HADH: variants seen among roughly 807,000 people sequenced by gnomAD.
HADH encodes the protein hydroxyacyl-CoA dehydrogenase, also known as hydroxyacyl-coenzyme A dehydrogenase, mitochondrial.
HADH carries 24 observed loss-of-function variants against 32.2 expected under a neutral mutation model. The observed-to-expected ratio is 0.75, with a 90% CI of 0.54 to 1.05. The LOEUF (loss-of-function observed/expected upper bound fraction) is 1.05, where lower values mean the gene tolerates loss of function less well. HADH is among the 50% of genes least tolerant of loss of function. The pLI is 0.00. For missense variants in HADH, 350 were observed against 397.1 expected (o/e 0.88, Z 1.01); for synonymous variants, 139 against 152.5 (o/e 0.91, Z 0.65).
Position 108,033,256 on chromosome 4 carries a change from T to C in HADH, c.790T>C (p.Tyr264His), listed in dbSNP as rs1244508396. ...YPMGPFELLD[Y>H]VGLDTTKFIV... ...CATGGGCCCATTTGAGCTTCTAGAT[T>C]ATGTCGGACTGGATACTACGAAGTT... Residue 264 changes from tyrosine to histidine, a missense_variant, in exon 7 of 8, where the codon TAT (tyrosine) becomes CAT (histidine). By Grantham distance (83) the Tyr-to-His change is moderately conservative. Coordinates refer to ENST00000309522, the MANE Select transcript of HADH (RefSeq NM_005327.7). 7.5e-6 allele frequency: 12 copies of C among 1,597,962 alleles called. No individual in the cohort carries two copies. Among genetic ancestry groups the C allele is most frequent in the Non-Finnish European group, 1.0e-5 (12 of 1,165,474 alleles).
In HADH at chr4:108,014,506, A is replaced by G. The variant is rs1430862162; in HGVS notation, c.337A>G (p.Thr113Ala). Residue 113 changes from threonine to alanine, a missense_variant, in exon 3 of 8, where the codon ACA (threonine) becomes GCA (alanine). Physicochemically the swap from Thr to Ala is moderately conservative, Grantham distance 58 (BLOSUM62 0). Coordinates refer to ENST00000309522, the MANE Select transcript of HADH (RefSeq NM_005327.7). ...STDAASVVHS[T>A]DLVVEAIVEN... ...GGATGCAGCCTCCGTTGTCCACAGC[A>G]CAGACTTGGTGGTGGAAGCCATCGT... The G allele has an allele frequency of 6.2e-7, 1 of 1,613,878 alleles. No individual in the cohort carries two copies. The highest frequency in any genetic ancestry group is 1.3e-5 in the African/African-American group (1 of 74,926).
intron 5 of HADH, chr4:108,025,657 G>C (rs1204087630): frequency 1.3e-5 from 2 of 152,216 alleles, no homozygotes; most frequent in African/African-American, 4.8e-5. Flanking sequence ...GGGAGGCCAA[G>C]GCTGGTGGAT....
chr4:108,026,269 G>C (rs1308363664), intron 5 of HADH: 1 of 152,176 alleles, frequency 6.6e-6, no homozygotes, highest in African/African-American at 2.4e-5. Flanking sequence ...TTGAACTCCT[G>C]ACCTCATGAT....
chr4:107,996,414 A>G (rs1734959797), intron 1 of HADH, among the ~76,000 whole-genome samples: 1 of 152,202 alleles, frequency 6.6e-6, no homozygotes, highest in Admixed American at 6.5e-5. Flanking sequence ...GTGGGAGGTG[A>G]GAAGTCTGGG....
chr4:108,028,967 A>G (rs980743515), intron 6 of HADH: 1 of 398,582 alleles, frequency 2.5e-6, no homozygotes, highest in Non-Finnish European at 4.4e-6. Context: ...CTGAAGCTGG[A>G]AGAGCAGGAC....
intron 6 of HADH, chr4:108,028,938 A>T (rs1736159096): frequency 2.5e-6 from 1 of 398,616 alleles, no homozygotes; most frequent in South Asian, 1.3e-4. Flanking sequence ...AGCCCTCACC[A>T]TCCCTGGCCG....
At chr4:107,991,022 T>A (rs867245515) in intron 1 of HADH, among the ~76,000 whole-genome samples, 1 of 152,352 alleles carries the variant, frequency 6.6e-6, no homozygotes, top group African/African-American at 2.4e-5. Flanking sequence ...ATTACAGGCG[T>A]TAGCCACTGC....
chr4:108,008,305 G>A (rs758304072), intron 1 of HADH, among the ~76,000 whole-genome samples: 10 of 152,124 alleles, frequency 6.6e-5, no homozygotes, highest in Non-Finnish European at 1.3e-4. Context: ...AGACTTTTTG[G>A]TCCTGGGAGC....
intron 1 of HADH, among the ~76,000 whole-genome samples, chr4:108,003,110 T>TA (rs1366008494): frequency 5.0e-4 from 75 of 149,994 alleles, no homozygotes; most frequent in Non-Finnish European, 9.0e-4. Context: ...TTAGTCTTTT[T>TA]TTTTTTTTTT....
At position 108,009,777 on chromosome 4, in the gene HADH, C is replaced by A; in HGVS notation, c.151C>A (p.His51Asn). 1 of 1,613,012 alleles carries A rather than the reference C, an allele frequency of 6.2e-7. No individual in the cohort carries two copies. The highest frequency in any genetic ancestry group is 1.1e-5 in the South Asian group (1 of 91,040). Residue 51 changes from histidine (H) to asparagine (N), a missense_variant, in exon 2 of 8, where the codon CAC (histidine) becomes AAC (asparagine). By Grantham distance (68) the His-to-Asn change is moderately conservative. Coordinates refer to ENST00000309522, the MANE Select transcript of HADH (RefSeq NM_005327.7). Reference sequence around the variant, plus strand: ...GCTCTAGGTTGCTGCAGCAACTGGTCACACAGTAGTGTTGGTAGACCAGAC... The same window carrying A: ...GCTCTAGGTTGCTGCAGCAACTGGTAACACAGTAGTGTTGGTAGACCAGAC... The part of the protein sequence containing the change: ...GIAQVAAATG[H>N]TVVLVDQTED...
chr4:108,011,858 G>C (rs902222680), intron 2 of HADH, among the ~76,000 whole-genome samples: 1 of 151,980 alleles, frequency 6.6e-6, no homozygotes, highest in African/African-American at 2.4e-5. Context: ...GCCATCTTAG[G>C]TGTGAAGTAG....
At chr4:108,026,788 T>A (rs1448743844) in intron 5 of HADH, 1 of 152,198 alleles carries the variant, frequency 6.6e-6, no homozygotes, top group East Asian at 1.9e-4. Flanking sequence ...CTCAGGAAGA[T>A]CACAGCCTTT....
chr4:108,023,192 C>T (rs1735951295), intron 4 of HADH, among the ~76,000 whole-genome samples: 1 of 152,102 alleles, frequency 6.6e-6, no homozygotes, highest in Non-Finnish European at 1.5e-5. Flanking sequence ...TAGGGTTTCA[C>T]CATGTTAGCC....
At chr4:108,012,001 C>G (rs867673694) in intron 2 of HADH, among the ~76,000 whole-genome samples, 1 of 152,080 alleles carries the variant, frequency 6.6e-6, no homozygotes, top group African/African-American at 2.4e-5. Context: ...AAGCCATTCT[C>G]TCACCTCAGC....
At chr4:108,002,019 A>G (rs1735132526) in intron 1 of HADH, among the ~76,000 whole-genome samples, 1 of 152,158 alleles carries the variant, frequency 6.6e-6, no homozygotes, top group African/African-American at 2.4e-5. Context: ...AGCAGTATTA[A>G]GAGATAAGGC....
At chr4:108,023,744 G>T (rs1735971189) in intron 5 of HADH, 181 bp downstream of exon 5, 9 of 639,474 alleles carry the variant, frequency 1.4e-5, no homozygotes, top group Admixed American at 4.3e-5. Flanking sequence ...AGGGAAACTG[G>T]ACTCCTAAGC....
intron 1 of HADH, among the ~76,000 whole-genome samples, chr4:108,008,483 C>A (rs780819703): frequency 2.6e-5 from 4 of 152,148 alleles, no homozygotes; most frequent in Non-Finnish European, 4.4e-5. Context: ...GGAAATCTTG[C>A]CTTGGGATTT....
At position 108,004,817 on chromosome 4, in the gene HADH, G is replaced by A. The variant is rs770380349; in HGVS notation, c.133-4942G>A. On this transcript the variant is annotated intron_variant, in intron 1 of 7. Transcript: ENST00000309522. ...GGAGTTACTACACTTCAAGACCTGG[G>A]TGTCTGCTGGAGGAAGGAACATGAC... is the stretch of plus-strand genomic sequence containing the variant. 1.6e-5 allele frequency: 25 copies of A among 1,535,900 alleles called. No individual in the cohort carries two copies. In the East Asian group the frequency reaches 5.9e-4, roughly 36 times the overall value.
At chr4:108,016,148 C>T (rs1452179617) in intron 3 of HADH, among the ~76,000 whole-genome samples, 1 of 152,098 alleles carries the variant, frequency 6.6e-6, no homozygotes, top group South Asian at 2.1e-4. Context: ...GGATCCAGAG[C>T]CTTCGAGTGT....
Sources: gnomAD v4.1 joint callset for allele counts (sites outside exome capture counted in the v4.1 genomes callset) on GRCh38, gnomAD v4.1.1 for gene constraint, MANE v1.5 for transcripts, NCBI Gene and HGNC (gene_info 2026-07-23, HGNC 2026-07-21) for gene names.